Variants in RGS6 observed in about 807,000 individuals in gnomAD.
RGS6 encodes regulator of G protein signaling 6, also known as regulator of G-protein signaling 6.
A neutral mutation model predicts 78.5 loss-of-function variants in RGS6; 30 were observed. That is an observed-to-expected ratio of 0.38 (90% CI 0.29 to 0.52). RGS6 has a LOEUF of 0.52. Ranked by LOEUF, RGS6 falls within the 20% of genes least tolerant of loss-of-function variation. The pLI is 0.85. For synonymous variants in RGS6, 206 were observed against 206.0 expected (o/e 1.00, Z 0.00); for missense variants, 495 against 609.7 (o/e 0.81, Z 1.98).
chr14:72,475,505 G>A (rs374589411), intron 10 of RGS6, among the ~76,000 whole-genome samples: 11 of 152,166 alleles, frequency 7.2e-5, no homozygotes, highest in South Asian at 4.1e-4. Flanking sequence ...CGAGGTGGGC[G>A]GATCACCTGA....
At chr14:72,052,429 T>C (rs2093304679) in intron 2 of RGS6, among the ~76,000 whole-genome samples, 1 of 152,178 alleles carries the variant, frequency 6.6e-6, no homozygotes, top group South Asian at 2.1e-4. Context: ...GTGAAATCAA[T>C]ACAGACAAAT....
intron 2 of RGS6, among the ~76,000 whole-genome samples, chr14:72,154,647 A>G (rs1326325825): frequency 2.6e-5 from 4 of 152,226 alleles, no homozygotes; most frequent in African/African-American, 9.6e-5. Context: ...CCACGGCATC[A>G]GGCTCCAGCC....
intron 1 of RGS6, among the ~76,000 whole-genome samples, chr14:71,955,677 CCAT>C (rs771932416): frequency 6.6e-6 from 1 of 152,136 alleles, no homozygotes; most frequent in Non-Finnish European, 1.5e-5. Flanking sequence ...ACTCTAATCA[CCAT>C]CTTGGTTCTG....
intron 3 of RGS6, among the ~76,000 whole-genome samples, chr14:72,443,728 G>C (rs1175650712): frequency 2.0e-5 from 3 of 152,226 alleles, no homozygotes; most frequent in Admixed American, 6.5e-5. Context: ...AGCCATCCCA[G>C]AAATATGCTC....
chr14:72,523,170 C>T (rs1201287861), intron 15 of RGS6, among the ~76,000 whole-genome samples: 1 of 152,102 alleles, frequency 6.6e-6, no homozygotes, highest in African/African-American at 2.4e-5. Flanking sequence ...CAGATGTCCT[C>T]GCTTGCTGGC....
At chr14:72,057,255 A>C (rs1210370422) in intron 2 of RGS6, among the ~76,000 whole-genome samples, 1 of 138,682 alleles carries the variant, frequency 7.2e-6, no homozygotes, top group African/African-American at 2.7e-5. Context: ...CAGAGGTTTC[A>C]GTGAGCTAAG....
chr14:72,228,783 C>G lies in RGS6; in HGVS notation c.85-123312C>G, dbSNP rs151139125. ...GTTCGGGGCTGGGCACGGTGGCTCA[C>G]GCCTGTAATCCCAGCACTTTGGGAG... On this transcript the variant is annotated intron_variant, in intron 2 of 17. Coordinates refer to ENST00000553525, the MANE Select transcript of RGS6 (RefSeq NM_001204424.2). Among the ~76,000 whole-genome samples, 542 of 152,316 alleles carry G rather than the reference C, an allele frequency of 3.6e-3. 2 individuals are homozygous for G. Among genetic ancestry groups the G allele is most frequent in the African/African-American group, 0.012 (515 of 41,576 alleles).
chr14:71,868,312 A>G, the RGS6 span, among the ~76,000 whole-genome samples: 1 of 152,180 alleles, frequency 6.6e-6, no homozygotes, highest in African/African-American at 2.4e-5. Context: ...GATGATTTTG[A>G]TAACTGAAAG....
chr14:72,230,528 T>C (rs2049285848), intron 2 of RGS6, among the ~76,000 whole-genome samples: 1 of 152,190 alleles, frequency 6.6e-6, no homozygotes. Flanking sequence ...GATTGGAAAC[T>C]GTAGCACTCA....
intron 2 of RGS6, among the ~76,000 whole-genome samples, chr14:72,326,159 G>A (rs1202360244): frequency 6.6e-6 from 1 of 152,156 alleles, no homozygotes. Context: ...ACCACCAAAT[G>A]CTGGCCAATA....
intron 3 of RGS6, among the ~76,000 whole-genome samples, chr14:72,365,114 C>T (rs572401387): frequency 1.8e-4 from 27 of 152,204 alleles, no homozygotes; most frequent in East Asian, 7.7e-4. Context: ...TAGCAATATG[C>T]GGATGTGTAC....
At chr14:72,405,608 A>T (rs1257009611) in intron 3 of RGS6, among the ~76,000 whole-genome samples, 1 of 152,176 alleles carries the variant, frequency 6.6e-6, no homozygotes. Flanking sequence ...TAATCTTTAT[A>T]TATGTATATT....
intron 2 of RGS6, among the ~76,000 whole-genome samples, chr14:72,314,813 TGAGA>T (rs1471661276): frequency 6.6e-6 from 1 of 152,256 alleles, no homozygotes; most frequent in Non-Finnish European, 1.5e-5. Flanking sequence ...TTAAGGTTCC[TGAGA>T]GAGAACTTTC....
At chr14:72,480,520 A>T (rs1598142346) in intron 12 of RGS6, among the ~76,000 whole-genome samples, 1 of 152,124 alleles carries the variant, frequency 6.6e-6, no homozygotes, top group African/African-American at 2.4e-5. Flanking sequence ...CAGAGGCTGG[A>T]TTTTATTCCC....
intron 2 of RGS6, among the ~76,000 whole-genome samples, chr14:72,097,089 G>A (rs1228402909): frequency 6.6e-6 from 1 of 152,228 alleles, no homozygotes; most frequent in Non-Finnish European, 1.5e-5. Flanking sequence ...GTAATTGGGA[G>A]TGAGTTGAAA....
the RGS6 span, among the ~76,000 whole-genome samples, chr14:72,580,183 C>G: frequency 6.6e-6 from 1 of 152,186 alleles, no homozygotes; most frequent in East Asian, 1.9e-4. Flanking sequence ...GCAAATTCCT[C>G]TCTGTGCTGC....
chr14:72,169,472 G>C (rs1054233622), intron 2 of RGS6, among the ~76,000 whole-genome samples: 16 of 152,200 alleles, frequency 1.1e-4, no homozygotes, highest in Admixed American at 2.6e-4. Context: ...GAATGCTTCA[G>C]ACCATGGCTT....
chr14:71,901,228 A>G, the RGS6 span, among the ~76,000 whole-genome samples: 2 of 152,218 alleles, frequency 1.3e-5, no homozygotes, highest in Non-Finnish European at 2.9e-5. Context: ...AGTTTCCCAA[A>G]TAAATTCAGG....
At chr14:72,463,983 A>T (rs993164129) in intron 6 of RGS6, among the ~76,000 whole-genome samples, 5 of 152,222 alleles carry the variant, frequency 3.3e-5, no homozygotes, top group Non-Finnish European at 5.9e-5. Flanking sequence ...AGGAACACTC[A>T]TTTGACAGCC....
Sources: gnomAD v4.1 joint callset for allele counts (sites outside exome capture counted in the v4.1 genomes callset) on GRCh38, gnomAD v4.1.1 for gene constraint, MANE v1.5 for transcripts, NCBI Gene and HGNC (gene_info 2026-07-23, HGNC 2026-07-21) for gene names.